RABGAP1L: variants seen among roughly 807,000 people sequenced by gnomAD.
The protein encoded by RABGAP1L is rab GTPase-activating protein 1-like.
In RABGAP1L, 63 loss-of-function variants were observed where a neutral mutation model predicts 137.7. That is an observed-to-expected ratio of 0.46 (90% CI 0.37 to 0.56). The LOEUF (loss-of-function observed/expected upper bound fraction) is 0.56, where lower values mean the gene tolerates loss of function less well. Among genes scored for constraint, RABGAP1L ranks in the 20% least tolerant of loss-of-function variants. RABGAP1L has a pLI of 0.00. For missense variants in RABGAP1L, 1,095 were observed against 1,244.0 expected, an observed-to-expected ratio of 0.88 and a Z score of 1.80; for synonymous variants, 431 against 433.7, an observed-to-expected ratio of 0.99 and a Z score of 0.08.
chr1:174,918,156 C>A (rs1661189136), intron 19 of RABGAP1L, among the ~76,000 whole-genome samples: 1 of 151,856 alleles, frequency 6.6e-6, no homozygotes, highest in African/African-American at 2.4e-5. Flanking sequence ...TGGAAAAATC[C>A]CAGGACTGGA....
At chr1:174,310,208 C>G (rs1353927005) in intron 11 of RABGAP1L, among the ~76,000 whole-genome samples, 1 of 152,068 alleles carries the variant, frequency 6.6e-6, no homozygotes, top group Non-Finnish European at 1.5e-5. Context: ...GTTGAAATGT[C>G]TCCTTGGTGT....
intron 13 of RABGAP1L, among the ~76,000 whole-genome samples, chr1:174,443,663 T>C (rs10218797): frequency 4.6e-5 from 7 of 152,142 alleles, no homozygotes; most frequent in African/African-American, 1.7e-4. Context: ...TTTTCTTTGC[T>C]GTGCAGAAGC....
At chr1:174,943,118 TCCTCA>T (rs2149297851) in intron 19 of RABGAP1L, among the ~76,000 whole-genome samples, 1 of 152,304 alleles carries the variant, frequency 6.6e-6, no homozygotes, top group South Asian at 2.1e-4. Flanking sequence ...GCAATCCCTC[TCCTCA>T]CTGTGCTCCA....
At chr1:174,196,688 C>A (rs988389767) in intron 1 of RABGAP1L, among the ~76,000 whole-genome samples, 11 of 150,928 alleles carry the variant, frequency 7.3e-5, no homozygotes, top group African/African-American at 2.7e-4. Flanking sequence ...CTCATCATAA[C>A]TTCCTGCTCT....
At chr1:174,328,919 G>A (rs1012047216) in intron 11 of RABGAP1L, among the ~76,000 whole-genome samples, 1 of 151,602 alleles carries the variant, frequency 6.6e-6, no homozygotes, top group Non-Finnish European at 1.5e-5. Context: ...CAACCTAACT[G>A]TCTACCTCAA....
intron 8 of RABGAP1L, chr1:174,275,334 G>T (rs1327429696): frequency 6.6e-6 from 1 of 152,024 alleles, no homozygotes; most frequent in African/African-American, 2.4e-5. Context: ...AATTTTAAAG[G>T]TATTAATTGC....
intron 13 of RABGAP1L, among the ~76,000 whole-genome samples, chr1:174,619,181 G>A (rs186370104): frequency 1.7e-4 from 26 of 152,330 alleles, no homozygotes; most frequent in Admixed American, 1.4e-3. Flanking sequence ...ACCTGAAAGC[G>A]ACGGGGAGAA....
At chr1:174,853,295 G>T (rs1266102063) in intron 19 of RABGAP1L, among the ~76,000 whole-genome samples, 3 of 149,804 alleles carry the variant, frequency 2.0e-5, no homozygotes, top group African/African-American at 7.4e-5. Flanking sequence ...ATATTATACT[G>T]AGCTTTATTT....
At chr1:174,392,500 T>G (rs527836411) in intron 12 of RABGAP1L, among the ~76,000 whole-genome samples, 1 of 152,318 alleles carries the variant, frequency 6.6e-6, no homozygotes, top group Admixed American at 6.5e-5. Flanking sequence ...ATCAGTATTA[T>G]CAGCTTAGTT....
intron 18 of RABGAP1L, chr1:174,800,463 G>C: frequency 6.4e-7 from 1 of 1,550,948 alleles, no homozygotes; most frequent in Non-Finnish European, 8.7e-7. Flanking sequence ...GAACTTCTGG[G>C]GATGGGGCAT....
At chr1:174,553,017 C>T (rs1666657006) in intron 13 of RABGAP1L, among the ~76,000 whole-genome samples, 1 of 152,108 alleles carries the variant, frequency 6.6e-6, no homozygotes, top group Non-Finnish European at 1.5e-5. Flanking sequence ...TTTTTGGCCA[C>T]ATATATGTCT....
chr1:174,814,910 A>C (rs1690231267), intron 19 of RABGAP1L, among the ~76,000 whole-genome samples: 1 of 151,858 alleles, frequency 6.6e-6, no homozygotes, highest in Admixed American at 6.6e-5. Flanking sequence ...CTGGTCTCGA[A>C]CTCCTGACCC....
intron 13 of RABGAP1L, among the ~76,000 whole-genome samples, chr1:174,536,814 A>G (rs910861131): frequency 1.3e-5 from 2 of 152,174 alleles, no homozygotes; most frequent in Non-Finnish European, 2.9e-5. Flanking sequence ...TTAATGACAA[A>G]TACATTTTTA....
At chr1:174,895,442 A>G (rs1385482061) in intron 19 of RABGAP1L, among the ~76,000 whole-genome samples, 1 of 149,024 alleles carries the variant, frequency 6.7e-6, no homozygotes, top group Non-Finnish European at 1.5e-5. Flanking sequence ...TGCTTTTGGA[A>G]GTTTTTTTTT....
chr1:174,240,075 C>T (rs1671663006), intron 4 of RABGAP1L, among the ~76,000 whole-genome samples: 1 of 152,166 alleles, frequency 6.6e-6, no homozygotes, highest in Non-Finnish European at 1.5e-5. Flanking sequence ...ATCTGTTTAG[C>T]TTCAATTTGC....
At chr1:174,457,477 CTTTTTTTTT>C (rs746968960) in intron 13 of RABGAP1L, among the ~76,000 whole-genome samples, 2 of 107,502 alleles carry the variant, frequency 1.9e-5, no homozygotes, top group East Asian at 2.5e-4. Context: ...CAGGCATCAT[CTTTTTTTTT>C]TTTTTTTTTT....
chr1:174,545,080 C>T (rs867107143), intron 13 of RABGAP1L: 1 of 152,710 alleles, frequency 6.5e-6, no homozygotes, highest in Non-Finnish European at 1.5e-5. Context: ...GCAGTCTGTC[C>T]ATTCTCAGGT....
intron 11 of RABGAP1L, among the ~76,000 whole-genome samples, chr1:174,341,446 G>C (rs1381097361): frequency 6.6e-6 from 1 of 152,160 alleles, no homozygotes; most frequent in Non-Finnish European, 1.5e-5. Context: ...TGTAGAATAG[G>C]ATGGCATTGG....
At chr1:174,937,060 A>T (rs1027315563) in intron 19 of RABGAP1L, among the ~76,000 whole-genome samples, 1 of 139,488 alleles carries the variant, frequency 7.2e-6, no homozygotes, top group Non-Finnish European at 1.5e-5. Flanking sequence ...GCTCACTGCA[A>T]CCTCCACCTC....
Sources: allele counts gnomAD v4.1 joint callset (sites outside exome capture counted in the v4.1 genomes callset), GRCh38; gene constraint gnomAD v4.1.1; transcripts MANE v1.5; gene names NCBI Gene and HGNC (gene_info 2026-07-23, HGNC 2026-07-21).